CDH18: variants seen among roughly 807,000 people sequenced by gnomAD.
CDH18 encodes the protein cadherin 18.
A neutral mutation model predicts 67.9 loss-of-function variants in CDH18; 31 were observed. The ratio of observed to expected loss-of-function variants is 0.46; its 90% CI spans 0.34 to 0.62. CDH18 has a LOEUF of 0.62. Among genes scored for constraint, CDH18 ranks in the 20% least tolerant of loss-of-function variants. The probability of loss-of-function intolerance (pLI) is 0.01; values close to 1 mark genes in which losing one functional copy is unlikely to be tolerated. For synonymous variants in CDH18, 362 were observed against 347.2 expected, an observed-to-expected ratio of 1.04 and a Z score of -0.48; for missense variants, 890 against 975.5, an observed-to-expected ratio of 0.91 and a Z score of 1.17.
chr5:19,648,987 T>C (rs1178301797), intron 5 of CDH18, among the ~76,000 whole-genome samples: 1 of 152,170 alleles, frequency 6.6e-6, no homozygotes, highest in Non-Finnish European at 1.5e-5. Context: ...TGGCAGAAGC[T>C]ATTTCTCATC....
intron 1 of CDH18, among the ~76,000 whole-genome samples, chr5:20,258,628 A>G (rs1433429447): frequency 6.6e-6 from 1 of 152,166 alleles, no homozygotes; most frequent in Non-Finnish European, 1.5e-5. Flanking sequence ...AATGACTTCT[A>G]ATTTTTATTT....
intron 1 of CDH18, among the ~76,000 whole-genome samples, chr5:20,558,995 T>C (rs944287304): frequency 6.6e-6 from 1 of 150,986 alleles, no homozygotes; most frequent in African/African-American, 2.4e-5. Flanking sequence ...GAACAAACAC[T>C]TGTTGAGTTG....
Position 20,424,245 on chromosome 5 carries a change from TA to T in CDH18, c.-580+151216del, listed in dbSNP as rs1372297716. Among the ~76,000 whole-genome samples, 10 of 150,822 alleles carry T rather than the reference TA, an allele frequency of 6.6e-5. No individual in the cohort carries two copies. The East Asian group carries it at 1.7e-3, about 26-fold the overall frequency. On this transcript the variant is annotated intron_variant, in intron 1 of 14. Transcript: ENST00000507958. ...CTCTGAAATTTCAGAACTCTATGGA[TA>T]AAAAAGAAGTTTCTGTGAAAAAAAT... is the stretch of plus-strand genomic sequence containing the variant.
In CDH18 at chr5:20,234,400, A is replaced by AT. The variant is rs553064949; in HGVS notation, c.-518+21043dup. ...CTATCATTCTATCTCTAAACGATGC[A>AT]TTTTTTATAATTTCTTCAACCTATG... is the stretch of plus-strand genomic sequence containing the variant. On this transcript the variant is annotated intron_variant, in intron 2 of 14. Transcript: ENST00000507958. Among the ~76,000 whole-genome samples, 114 of 152,166 alleles carry AT rather than the reference A, an allele frequency of 7.5e-4. No individual in the cohort carries two copies. The Middle Eastern group carries it at 0.014, about 18-fold the overall frequency.
intron 2 of CDH18, among the ~76,000 whole-genome samples, chr5:20,161,941 AT>A (rs955340576): frequency 5.7e-4 from 85 of 150,242 alleles, no homozygotes; most frequent in African/African-American, 1.2e-3. Flanking sequence ...ATTCTCAGTG[AT>A]TTTTTTTTTC....
intron 2 of CDH18, among the ~76,000 whole-genome samples, chr5:20,022,615 TA>T (rs1738528615): frequency 6.6e-6 from 1 of 152,204 alleles, no homozygotes; most frequent in Non-Finnish European, 1.5e-5. Context: ...TTATATACGA[TA>T]TTATGGTTTA....
chr5:20,087,283 T>C (rs531029446), intron 2 of CDH18, among the ~76,000 whole-genome samples: 1 of 152,228 alleles, frequency 6.6e-6, no homozygotes, highest in East Asian at 1.9e-4. Flanking sequence ...AATTGGTTTC[T>C]TGAAATGGAA....
intron 2 of CDH18, among the ~76,000 whole-genome samples, chr5:19,842,862 A>AT (rs1272702598): frequency 6.6e-6 from 1 of 152,122 alleles, no homozygotes; most frequent in Non-Finnish European, 1.5e-5. Context: ...GACATGAGGA[A>AT]TTTTTTAGGA....
rs777270678 is a variant in CDH18, at chr5:19,591,262, T to C, written c.812-18A>G. The C allele has an allele frequency of 1.4e-6, 2 of 1,469,774 alleles. No homozygotes were observed. Among genetic ancestry groups the C allele is most frequent in the South Asian group, 2.6e-5 (2 of 75,642 alleles). 91.0% of individuals were successfully genotyped at this position (1,469,774 alleles called of 1,614,324 possible). On this transcript the variant is annotated intron_variant, in intron 6 of 12. Transcript: ENST00000382275. ...ATAGTGTTCTGGAAGACATTTCATA[T>C]TAAACATATTTAAATACAATGTTCA...
intron 4 of CDH18, among the ~76,000 whole-genome samples, chr5:19,737,238 C>T (rs979716440): frequency 3.3e-5 from 5 of 152,130 alleles, no homozygotes; most frequent in Non-Finnish European, 7.4e-5. Context: ...TTTCTCTACA[C>T]CCAATCACTG....
intron 2 of CDH18, among the ~76,000 whole-genome samples, chr5:19,880,292 A>T (rs1787497155): frequency 6.6e-6 from 1 of 152,082 alleles, no homozygotes; most frequent in Non-Finnish European, 1.5e-5. Flanking sequence ...AAACTTAAGT[A>T]TATTAAATTA....
At chr5:20,509,152 A>C (rs1177683878) in intron 1 of CDH18, among the ~76,000 whole-genome samples, 1 of 152,134 alleles carries the variant, frequency 6.6e-6, no homozygotes, top group Non-Finnish European at 1.5e-5. Context: ...ATTGTTATCA[A>C]TTATAGTCCC....
chr5:19,638,977 GTTTTT>G (rs34631530), intron 5 of CDH18, among the ~76,000 whole-genome samples: 51 of 54,712 alleles, frequency 9.3e-4, no homozygotes, highest in East Asian at 6.6e-3. Flanking sequence ...TTTTGTTGCT[GTTTTT>G]TTTTTTTTTT....
chr5:19,811,511 C>T (rs1778742384), intron 3 of CDH18, among the ~76,000 whole-genome samples: 1 of 151,858 alleles, frequency 6.6e-6, no homozygotes, highest in South Asian at 2.1e-4. Context: ...TGATTTCAGA[C>T]TTCCAGCTTC....
chr5:19,967,282 ATAT>A (rs1797545516), intron 2 of CDH18, among the ~76,000 whole-genome samples: 1 of 152,116 alleles, frequency 6.6e-6, no homozygotes, highest in South Asian at 2.1e-4. Context: ...GAAATATTCA[ATAT>A]TATTTTAGAC....
chr5:20,481,986 AT>A (rs1302942972), intron 1 of CDH18, among the ~76,000 whole-genome samples: 1 of 152,044 alleles, frequency 6.6e-6, no homozygotes, highest in Admixed American at 6.6e-5. Context: ...AATTGAAAAA[AT>A]ATAAAAGATC....
intron 5 of CDH18, among the ~76,000 whole-genome samples, chr5:19,689,991 T>C (rs1227081744): frequency 6.6e-6 from 1 of 150,842 alleles, no homozygotes; most frequent in African/African-American, 2.4e-5. Flanking sequence ...AGGCTATAAG[T>C]CAAACACAGT....
chr5:19,593,644 C>T (rs1392533669), intron 6 of CDH18, among the ~76,000 whole-genome samples: 1 of 139,622 alleles, frequency 7.2e-6, no homozygotes, highest in African/African-American at 2.8e-5. Context: ...TCTCCTCCTT[C>T]ACCCACTCCC....
At chr5:20,304,278 G>C (rs1473073039) in intron 1 of CDH18, 5 of 1,602,648 alleles carry the variant, frequency 3.1e-6, no homozygotes, top group East Asian at 2.2e-5. Flanking sequence ...ACCAAAAGCT[G>C]TGTCTTCTGA....
Sources: gnomAD v4.1 joint callset for allele counts (sites outside exome capture counted in the v4.1 genomes callset) on GRCh38, gnomAD v4.1.1 for gene constraint, MANE v1.5 for transcripts, NCBI Gene and HGNC (gene_info 2026-07-23, HGNC 2026-07-21) for gene names.